POLR3F: variants seen among roughly 807,000 people sequenced by gnomAD.
POLR3F encodes DNA-directed RNA polymerase III subunit RPC6.
POLR3F carries 31 observed loss-of-function variants against 43.6 expected under a neutral mutation model. The observed-to-expected ratio is 0.71, with a 90% CI of 0.53 to 0.96. The LOEUF is 0.96. POLR3F is among the 40% of genes least tolerant of loss of function. The probability of loss-of-function intolerance (pLI) is 0.00; values close to 1 mark genes in which losing one functional copy is unlikely to be tolerated. For missense variants in POLR3F, 316 were observed against 391.7 expected, an observed-to-expected ratio of 0.81 and a Z score of 1.63; for synonymous variants, 114 against 132.5, an observed-to-expected ratio of 0.86 and a Z score of 0.96.
rs766927235 is a variant in POLR3F, at chr20:18,473,486, A to G, written c.316+28A>G. On this transcript the variant is annotated intron_variant, in intron 4 of 8. Transcript: ENST00000377603. Reference sequence around the variant, plus strand: ...AAGCATGTGAAAGATGAAGCAGAAAAAAACATTGTCTTTGGAACTAGATAT... The same window carrying G: ...AAGCATGTGAAAGATGAAGCAGAAAGAAACATTGTCTTTGGAACTAGATAT... The G allele has an allele frequency of 6.9e-6, 8 of 1,163,386 alleles. No individual in the cohort carries two copies. In the African/African-American group the frequency reaches 9.1e-5, roughly 13 times the overall value. 72.1% of individuals were successfully genotyped at this position (1,163,386 alleles called of 1,614,324 possible). A position where few individuals can be genotyped will look rare whatever the true frequency, so the allele number is the denominator to read the frequency against.
Position 18,473,468 on chromosome 20 carries a change from T to G in POLR3F, c.316+10T>G, listed in dbSNP as rs150937600. ...GATGCAGGAAATAAAGGTAAGCATG[T>G]GAAAGATGAAGCAGAAAAAAACATT... On this transcript the variant is annotated intron_variant, in intron 4 of 8. Coordinates refer to ENST00000377603, the MANE Select transcript of POLR3F (RefSeq NM_006466.4). 2.0e-3 allele frequency: 2,676 copies of G among 1,364,778 alleles called. 34 individuals carry two copies. Among genetic ancestry groups the G allele is most frequent in the East Asian group, 8.5e-3 (371 of 43,590 alleles). 84.5% of individuals were successfully genotyped at this position (1,364,778 alleles called of 1,614,324 possible).
In POLR3F at chr20:18,481,534, C is replaced by T. The variant is rs900375049; in HGVS notation, c.682-85C>T. The T allele has an allele frequency of 2.6e-5, 24 of 939,386 alleles. No homozygotes were observed. In the African/African-American group the frequency reaches 3.5e-4, roughly 14 times the overall value. 58.2% of individuals were successfully genotyped at this position (939,386 alleles called of 1,614,324 possible). ...GATTACAGGCGTGAGCCACTGCGCC[C>T]AGCAACCCTTTACTGTTTTTAACAC... On this transcript the variant is annotated intron_variant, in intron 7 of 8. Transcript: ENST00000377603.
intron 2 of POLR3F, among the ~76,000 whole-genome samples, chr20:18,469,915 C>T (rs545895926): frequency 2.0e-5 from 3 of 152,280 alleles, no homozygotes; most frequent in African/African-American, 7.2e-5. Context: ...TTTCATTCTC[C>T]ACATTGTCAC....
chr20:18,481,059 C>T (rs2059806957), intron 7 of POLR3F, among the ~76,000 whole-genome samples: 1 of 152,080 alleles, frequency 6.6e-6, no homozygotes, highest in Non-Finnish European at 1.5e-5. Context: ...TAAGATTTCT[C>T]GATTTTACTT....
At chr20:18,480,331 C>G in intron 6 of POLR3F, 71 bp from the exon 7 acceptor site, 1 of 1,272,400 alleles carries the variant, frequency 7.9e-7, no homozygotes, top group Middle Eastern at 1.9e-4. Context: ...GTTGGTTTGA[C>G]TCAGTATAAA....
At chr20:18,476,800 T>TC (rs1347220951) in intron 5 of POLR3F, among the ~76,000 whole-genome samples, 1 of 152,010 alleles carries the variant, frequency 6.6e-6, no homozygotes, top group African/African-American at 2.4e-5. Flanking sequence ...TACAAAGAAC[T>TC]CCTAAAATTC....
chr20:18,474,992 T>C (rs892423895), intron 4 of POLR3F, 83 bp from the exon 5 acceptor site: 25 of 661,540 alleles, frequency 3.8e-5, no homozygotes, highest in African/African-American at 3.5e-4. Flanking sequence ...CTGCTAGCTT[T>C]GGAATGAGAC....
intron 5 of POLR3F, among the ~76,000 whole-genome samples, 180 bp from the exon 6 acceptor site, chr20:18,479,858 C>A (rs1459953229): frequency 6.6e-6 from 1 of 152,170 alleles, no homozygotes; most frequent in African/African-American, 2.4e-5. Context: ...TTAATTGTGA[C>A]AAGTGTACCA....
intron 1 of POLR3F, among the ~76,000 whole-genome samples, chr20:18,468,693 T>C (rs996720898): frequency 1.3e-5 from 2 of 152,194 alleles, no homozygotes; most frequent in African/African-American, 2.4e-5. Flanking sequence ...CATTAGACTT[T>C]TGCTCTAATT....
At chr20:18,472,995 A>T in intron 3 of POLR3F, 86 bp downstream of exon 3, 1 of 651,054 alleles carries the variant, frequency 1.5e-6, no homozygotes, top group South Asian at 2.0e-5. Context: ...AAAATTACAT[A>T]AACCTGTCCT....
chr20:18,468,886 C>G (rs1055010792), intron 1 of POLR3F, 58 bp from the exon 2 acceptor site: 1 of 829,166 alleles, frequency 1.2e-6, no homozygotes, highest in East Asian at 2.4e-5. Context: ...TATTTTTACC[C>G]CCACTGTCTC....
chr20:18,467,596 C>T (rs369282580), intron 1 of POLR3F, 28 bp downstream of exon 1: 3 of 1,614,146 alleles, frequency 1.9e-6, no homozygotes, highest in East Asian at 2.2e-5. Context: ...CGGCTTGGCA[C>T]TCCATCAGGC....
At chr20:18,476,827 C>T (rs1308873087) in intron 5 of POLR3F, among the ~76,000 whole-genome samples, 1 of 152,124 alleles carries the variant, frequency 6.6e-6, no homozygotes, top group African/African-American at 2.4e-5. Context: ...AAGAAAACAA[C>T]ACTTTGGGAG....
At chr20:18,482,997 T>TA (rs1008993066) in intron 8 of POLR3F, among the ~76,000 whole-genome samples, 16 of 152,006 alleles carry the variant, frequency 1.1e-4, no homozygotes, top group South Asian at 2.1e-4. Context: ...AATGCCACAG[T>TA]AAAAAAAGCC....
intron 5 of POLR3F, among the ~76,000 whole-genome samples, chr20:18,476,919 A>G (rs1025658509): frequency 2.0e-5 from 3 of 152,148 alleles, no homozygotes; most frequent in African/African-American, 7.2e-5. Flanking sequence ...TACTAAAAAT[A>G]CAAAATTATC....
chr20:18,467,427 C>A lies in POLR3F; in HGVS notation c.-80C>A, dbSNP rs1271081865. 6.7e-7 allele frequency: 1 copy of A among 1,493,440 alleles called. No homozygotes were observed. The highest frequency in any genetic ancestry group is 1.4e-5 in the African/African-American group (1 of 72,674). 92.5% of individuals were successfully genotyped at this position (1,493,440 alleles called of 1,614,324 possible). A position where few individuals can be genotyped will look rare whatever the true frequency, so the allele number is the denominator to read the frequency against. ...TCGGCCTCAGCAGAGCGCTATCCTC[C>A]ACTGGTTCCCCGGGTTCCCCGGCTT... On this transcript the variant is annotated 5_prime_UTR_variant, in exon 1 of 9. Coordinates refer to ENST00000377603, the MANE Select transcript of POLR3F (RefSeq NM_006466.4).
chr20:18,475,840 T>G (rs887019749), intron 5 of POLR3F, among the ~76,000 whole-genome samples: 33 of 152,220 alleles, frequency 2.2e-4, no homozygotes, highest in Non-Finnish European at 1.2e-4. Context: ...CGCTTACATA[T>G]GTTGCTTCAA....
At chr20:18,474,832 G>GT (rs1033947616) in intron 4 of POLR3F, among the ~76,000 whole-genome samples, 32 of 152,174 alleles carry the variant, frequency 2.1e-4, no homozygotes, top group African/African-American at 7.7e-4. Flanking sequence ...CTTTCCATAA[G>GT]TTTTTTAAAA....
In POLR3F at chr20:18,473,400, G is replaced by C. The variant is rs1289586613; in HGVS notation, c.258G>C (p.Lys86Asn). 1 of 1,365,922 alleles carries C rather than the reference G, an allele frequency of 7.3e-7. No homozygotes were observed. Among genetic ancestry groups the C allele is most frequent in the Non-Finnish European group, 1.0e-6 (1 of 955,446 alleles). 84.6% of individuals were successfully genotyped at this position (1,365,922 alleles called of 1,614,324 possible). A position where few individuals can be genotyped will look rare whatever the true frequency, so the allele number is the denominator to read the frequency against. The change falls in exon 4 of 9, where the codon AAG (lysine) becomes AAC (asparagine). Residue 86 changes from lysine to asparagine, a missense_variant. Around this residue, in one of 3 missense-constraint regions of POLR3F, gnomAD observed 122 missense variants for 133.8 expected, o/e 0.91. Transcript: ENST00000377603. The stretch of plus-strand genomic sequence containing the variant: ...CTTTATTCCACTACAGTAAAATGAA[G>C]GGATCCGATAACCAAGAAAAACTAG... ...IKDSQNAGKM[K>N]GSDNQEKLVY...
Sources: gnomAD v4.1 joint callset for allele counts (sites outside exome capture counted in the v4.1 genomes callset) on GRCh38, gnomAD v4.1.1 for gene constraint, gnomAD v4.1.1 regional missense constraint, MANE v1.5 for transcripts, NCBI Gene and HGNC (gene_info 2026-07-23, HGNC 2026-07-21) for gene names.